BPNT2: variants seen among roughly 807,000 people sequenced by gnomAD.
BPNT2 encodes Golgi-resident adenosine 3',5'-bisphosphate 3'-phosphatase.
Under a neutral mutation model 29.3 loss-of-function variants are expected in BPNT2, and 11 were observed. The ratio of observed to expected loss-of-function variants is 0.38; its 90% CI spans 0.24 to 0.62. BPNT2 has a LOEUF of 0.62. BPNT2 is among the 20% of genes least tolerant of loss of function. The pLI is 0.62. For missense variants in BPNT2, 459 were observed against 473.4 expected (o/e 0.97, Z 0.28); for synonymous variants, 195 against 187.7 (o/e 1.04, Z -0.32).
intron 4 of BPNT2, among the ~76,000 whole-genome samples, chr8:56,965,698 G>C (rs902910121): frequency 6.6e-6 from 1 of 152,114 alleles, no homozygotes; most frequent in Non-Finnish European, 1.5e-5. Flanking sequence ...GAGAATATAC[G>C]ATAAGGTGGG....
chr8:56,978,994 A>T (rs1806194701), intron 2 of BPNT2, among the ~76,000 whole-genome samples: 1 of 152,170 alleles, frequency 6.6e-6, no homozygotes, highest in Non-Finnish European at 1.5e-5. Flanking sequence ...CCCTCATGAC[A>T]CAAGTTTACC....
chr8:56,985,879 A>C (rs1806319790), intron 1 of BPNT2, among the ~76,000 whole-genome samples: 1 of 152,252 alleles, frequency 6.6e-6, no homozygotes, highest in Admixed American at 6.5e-5. Context: ...GTAGATGTAC[A>C]AAATATGGAC....
At chr8:56,974,106 C>T (rs1399802883) in intron 3 of BPNT2, among the ~76,000 whole-genome samples, 1 of 152,142 alleles carries the variant, frequency 6.6e-6, no homozygotes, top group Non-Finnish European at 1.5e-5. Context: ...ATGATTTTCT[C>T]AGTAACATTT....
chr8:56,987,769 C>CT (rs1806349852), intron 1 of BPNT2, among the ~76,000 whole-genome samples: 2 of 149,894 alleles, frequency 1.3e-5, no homozygotes, highest in Non-Finnish European at 3.0e-5. Context: ...TGCTCTGTCA[C>CT]CCAGGCTGGA....
intron 3 of BPNT2, among the ~76,000 whole-genome samples, chr8:56,975,483 C>T (rs1191641705): frequency 6.6e-6 from 1 of 151,996 alleles, no homozygotes; most frequent in East Asian, 1.9e-4. Flanking sequence ...TAAAAAAAGT[C>T]ATAATTTCCA....
At chr8:56,980,273 G>T in intron 1 of BPNT2, 76 bp from the exon 2 acceptor site, 1 of 1,166,562 alleles carries the variant, frequency 8.6e-7, no homozygotes. Flanking sequence ...AAGTATTTCA[G>T]ACAACAATCA....
intron 3 of BPNT2, among the ~76,000 whole-genome samples, chr8:56,974,507 G>A (rs541788939): frequency 2.0e-5 from 3 of 152,240 alleles, no homozygotes; most frequent in African/African-American, 4.8e-5. Context: ...TAAACATACC[G>A]ATACTTAACA....
At chr8:56,993,139 A>G in intron 1 of BPNT2, 60 bp downstream of exon 1, 1 of 1,553,858 alleles carries the variant, frequency 6.4e-7, no homozygotes, top group Non-Finnish European at 8.6e-7. Context: ...TACTGTTAAG[A>G]GTCGACGGGC....
At chr8:56,986,989 A>G (rs1040879861) in intron 1 of BPNT2, among the ~76,000 whole-genome samples, 2 of 152,216 alleles carry the variant, frequency 1.3e-5, no homozygotes, top group African/African-American at 4.8e-5. Context: ...ACATATACAT[A>G]TACATATAAT....
intron 1 of BPNT2, among the ~76,000 whole-genome samples, chr8:56,987,526 GCT>G (rs1438836743): frequency 6.6e-6 from 1 of 152,044 alleles, no homozygotes; most frequent in Non-Finnish European, 1.5e-5. Flanking sequence ...ACCACCACCA[GCT>G]CTCCTGGTTC....
Position 56,962,391 on chromosome 8 carries a change from T to TA in BPNT2, c.*1401dup, listed in dbSNP as rs1805852216. 1 of 152,172 alleles carries TA rather than the reference T, an allele frequency of 6.6e-6. No homozygotes were observed. The highest frequency in any genetic ancestry group is 2.4e-5 in the African/African-American group (1 of 41,440). The allele number at this position is 152,172 out of a possible 1,614,324, so 9.4% of individuals were successfully genotyped here. A position where few individuals can be genotyped will look rare whatever the true frequency, so the allele number is the denominator to read the frequency against. On this transcript the variant is annotated 3_prime_UTR_variant, in exon 5 of 5. Coordinates refer to ENST00000262644, the MANE Select transcript of BPNT2 (RefSeq NM_017813.5). ...AATAAAGGGTAAGCTGCTTTATGGT[T>TA]AAAAAATTTAGCAAAGAAAGAAACC...
chr8:56,966,278 C>G lies in BPNT2; in HGVS notation c.721G>C (p.Val241Leu). Residue 241 changes from valine to leucine, a missense_variant, in exon 4 of 5, where the codon GTG becomes CTG. Transcript: ENST00000262644. Reference protein sequence around the residue: ...SYNEKTPRIVVSRSHSGMVKQ... With the variant: ...SYNEKTPRIVLSRSHSGMVKQ... ...ACCATCCCTGAATGGGAACGAGACA[C>G]AACGATCCTTGGGGTCTTCTCATTG... The G allele has an allele frequency of 6.2e-7, 1 of 1,613,984 alleles. No individual in the cohort carries two copies. Among genetic ancestry groups the G allele is most frequent in the Non-Finnish European group, 8.5e-7 (1 of 1,179,878 alleles).
rs1315000672 is a variant in BPNT2 at position 56,959,863 on chromosome 8, A to G, written c.*3930T>C. ...AAAAAGTTCCTATTTTCCCCCATCT[A>G]CTAAAAAGGTTGTTTTCCCTTATTA... On this transcript the variant is annotated 3_prime_UTR_variant, in exon 5 of 5. Coordinates refer to ENST00000262644, the MANE Select transcript of BPNT2 (RefSeq NM_017813.5). The G allele has an allele frequency of 6.6e-6, 1 of 152,178 alleles. No individual in the cohort carries two copies. The highest frequency in any genetic ancestry group is 1.5e-5 in the Non-Finnish European group (1 of 68,026). The allele number at this position is 152,178 out of a possible 1,614,324, so 9.4% of individuals were successfully genotyped here.
At chr8:56,982,742 T>G (rs1379924574) in intron 1 of BPNT2, among the ~76,000 whole-genome samples, 1 of 152,152 alleles carries the variant, frequency 6.6e-6, no homozygotes, top group African/African-American at 2.4e-5. Context: ...GGAAGGGTTA[T>G]TCTTTAAGAA....
chr8:56,976,594 G>A (rs377758703), intron 3 of BPNT2, among the ~76,000 whole-genome samples: 1 of 152,130 alleles, frequency 6.6e-6, no homozygotes, highest in African/African-American at 2.4e-5. Flanking sequence ...AGCACAAAGT[G>A]GACTTGATTT....
intron 1 of BPNT2, among the ~76,000 whole-genome samples, chr8:56,980,930 G>C (rs1315831889): frequency 2.0e-5 from 3 of 150,440 alleles, no homozygotes; most frequent in African/African-American, 7.3e-5. Context: ...ATATATACAT[G>C]TGTTTGTATA....
At position 56,960,066 on chromosome 8, in the gene BPNT2, C is replaced by T. The variant is rs757465649; in HGVS notation, c.*3727G>A. ...TTTTTCTTTCTAGGATCAATCAACA[C>T]ATAGCCAATAGGTAGTTACAGCTAG... is the stretch of plus-strand genomic sequence containing the variant. On this transcript the variant is annotated 3_prime_UTR_variant, in exon 5 of 5. Coordinates refer to ENST00000262644, the MANE Select transcript of BPNT2 (RefSeq NM_017813.5). 1.3e-5 allele frequency: 2 copies of T among 152,202 alleles called. No homozygotes were observed. Among genetic ancestry groups the T allele is most frequent in the Non-Finnish European group, 1.5e-5 (1 of 68,030 alleles). 9.4% of individuals were successfully genotyped at this position (152,202 alleles called of 1,614,324 possible).
At chr8:56,968,436 C>A (rs1805984169) in intron 3 of BPNT2, among the ~76,000 whole-genome samples, 1 of 148,938 alleles carries the variant, frequency 6.7e-6, no homozygotes, top group South Asian at 2.2e-4. Flanking sequence ...TATAAGGAGT[C>A]CCTGAAAAAG....
At chr8:56,979,402 T>C (rs919306049) in intron 2 of BPNT2, among the ~76,000 whole-genome samples, 6 of 152,180 alleles carry the variant, frequency 3.9e-5, no homozygotes, top group African/African-American at 1.4e-4. Context: ...ATATTTCTAT[T>C]ATCTACTCCT....
Sources: allele counts gnomAD v4.1 joint callset (sites outside exome capture counted in the v4.1 genomes callset), GRCh38; gene constraint gnomAD v4.1.1; transcripts MANE v1.5; gene names NCBI Gene and HGNC (gene_info 2026-07-23, HGNC 2026-07-21).